The following RWDD1 variants were observed in gnomAD, a reference collection of about 807,000 sequenced individuals.
RWDD1 encodes the protein RWD domain-containing protein 1.
RWDD1 carries 17 observed loss-of-function variants against 31.6 expected under a neutral mutation model. That is an observed-to-expected ratio of 0.54 (90% CI 0.37 to 0.81). The LOEUF is 0.81. Ranked by LOEUF, RWDD1 falls within the 30% of genes least tolerant of loss-of-function variation. The probability of loss-of-function intolerance (pLI) is 0.00; values close to 1 mark genes in which losing one functional copy is unlikely to be tolerated. For synonymous variants in RWDD1, 78 were observed against 94.2 expected, an observed-to-expected ratio of 0.83 and a Z score of 0.99; for missense variants, 204 against 274.5, an observed-to-expected ratio of 0.74 and a Z score of 1.82.
At chr6:116,571,695 G>C (rs751110208) in intron 1 of RWDD1, 40 bp downstream of exon 1, 7 of 1,579,780 alleles carry the variant, frequency 4.4e-6, no homozygotes, top group Non-Finnish European at 6.1e-6. Flanking sequence ...GCCCCGAGGT[G>C]GAGTAGGACG....
At chr6:116,580,453 G>A in intron 2 of RWDD1, 93 bp downstream of exon 2, 1 of 808,964 alleles carries the variant, frequency 1.2e-6, no homozygotes, top group Non-Finnish European at 1.9e-6. Flanking sequence ...TCATGTGGAG[G>A]TGCTAAGGGG....
rs571864545 is a variant in RWDD1, at chr6:116,576,811, G to A, written c.74-3484G>A. Among the ~76,000 whole-genome samples the A allele has an allele frequency of 4.4e-4, 67 of 152,300 alleles. 1 individual carries two copies. The South Asian group carries it at 0.013, about 31-fold the overall frequency. On this transcript the variant is annotated intron_variant, in intron 1 of 6. Transcript: ENST00000466444. ...CACATATGCAGAAACAGGACTCTGA[G>A]GGATCAGAATATGTTCAAAGGACAA...
Position 116,596,123 on chromosome 6 carries a change from T to G in RWDD1, c.*3022T>G, listed in dbSNP as rs920864953. ...AAGTGTAACAGAAAAGTAAGTGAACTACTTCACATAGCTCTTAATGTTTGT... is the reference window on the plus strand; with the variant it reads ...AAGTGTAACAGAAAAGTAAGTGAACGACTTCACATAGCTCTTAATGTTTGT... On this transcript the variant is annotated 3_prime_UTR_variant, in exon 7 of 7. Coordinates refer to ENST00000466444, the MANE Select transcript of RWDD1 (RefSeq NM_015952.4). 1.3e-5 allele frequency: 2 copies of G among 152,232 alleles called. No homozygotes were observed. Among genetic ancestry groups the G allele is most frequent in the African/African-American group, 2.4e-5 (1 of 41,468 alleles). 9.4% of individuals were successfully genotyped at this position (152,232 alleles called of 1,614,324 possible). A position where few individuals can be genotyped will look rare whatever the true frequency, so the allele number is the denominator to read the frequency against.
At position 116,571,508 on chromosome 6, in the gene RWDD1, C is replaced by T. The variant is rs545409841; in HGVS notation, c.-75C>T. The T allele has an allele frequency of 5.7e-4, 849 of 1,479,984 alleles. 3 individuals carry two copies. The African/African-American group carries it at 9.9e-3, about 17-fold the overall frequency. 91.7% of individuals were successfully genotyped at this position (1,479,984 alleles called of 1,614,324 possible). Reference sequence around the variant, plus strand: ...CCCGCCTGGCCGCCGCCCGCTCTCCCGGCGCGGCAGCTGTCTGGGCTGCTG... The same window carrying T: ...CCCGCCTGGCCGCCGCCCGCTCTCCTGGCGCGGCAGCTGTCTGGGCTGCTG... On this transcript the variant is annotated 5_prime_UTR_variant, in exon 1 of 7. Transcript: ENST00000466444.
intron 1 of RWDD1, among the ~76,000 whole-genome samples, chr6:116,574,484 C>G (rs1261095827): frequency 6.6e-6 from 1 of 152,050 alleles, no homozygotes; most frequent in African/African-American, 2.4e-5. Flanking sequence ...AATATGGGCT[C>G]TCTCGTATTT....
chr6:116,577,710 G>C (rs532867860), intron 1 of RWDD1, among the ~76,000 whole-genome samples: 6 of 152,104 alleles, frequency 3.9e-5, no homozygotes, highest in African/African-American at 1.4e-4. Context: ...CTGGATGATT[G>C]CAATAGTGAC....
chr6:116,590,338 G>T lies in RWDD1; in HGVS notation c.481G>T (p.Glu161Ter). The T allele has an allele frequency of 6.2e-7, 1 of 1,601,340 alleles. No individual in the cohort carries two copies. Among genetic ancestry groups the T allele is most frequent in the South Asian group, 1.1e-5 (1 of 88,158 alleles). ...AAATTGGAAAGCCAAGTTTGATGCA[G>T]AACTCTTGGAAATTAAAAAGAAAAG... ...FLNWKAKFDA[E>*]LLEIKKKRMK... is the part of the protein sequence containing the mutation. Residue 161 changes from glutamate (E) to a stop codon, truncating the protein, a stop_gained, in exon 5 of 7, where the codon GAA becomes TAA. Transcript: ENST00000466444. LOFTEE classifies it high-confidence loss of function.
chr6:116,596,420 G>C lies in RWDD1; in HGVS notation c.*3319G>C, dbSNP rs1341167622. Reference sequence around the variant, plus strand: ...AAATTTTCAGGCCTCCATTGGTGAAGTTTCAAGTAACCTTTCACTTAAGTT... The same window carrying C: ...AAATTTTCAGGCCTCCATTGGTGAACTTTCAAGTAACCTTTCACTTAAGTT... On this transcript the variant is annotated 3_prime_UTR_variant, in exon 7 of 7. Coordinates refer to ENST00000466444, the MANE Select transcript of RWDD1 (RefSeq NM_015952.4). 1 of 152,208 alleles carries C rather than the reference G, an allele frequency of 6.6e-6. No individual in the cohort carries two copies. Among genetic ancestry groups the C allele is most frequent in the African/African-American group, 2.4e-5 (1 of 41,446 alleles). The allele number at this position is 152,208 out of a possible 1,614,324, so 9.4% of individuals were successfully genotyped here.
At chr6:116,591,657 G>A (rs1388306780) in intron 6 of RWDD1, among the ~76,000 whole-genome samples, 1 of 152,170 alleles carries the variant, frequency 6.6e-6, no homozygotes, top group Non-Finnish European at 1.5e-5. Flanking sequence ...GTACAGTATG[G>A]GCCAGTTCTC....
chr6:116,574,759 TCCCTC>T (rs1192741824), intron 1 of RWDD1, among the ~76,000 whole-genome samples: 35 of 116,928 alleles, frequency 3.0e-4, no homozygotes, highest in Non-Finnish European at 5.6e-4. Flanking sequence ...CCCCTCCCCT[TCCCTC>T]CCCTCCCCTC....
At chr6:116,580,803 TG>T (rs1356301522) in intron 2 of RWDD1, among the ~76,000 whole-genome samples, 1 of 152,122 alleles carries the variant, frequency 6.6e-6, no homozygotes, top group East Asian at 1.9e-4. Context: ...TCTGTCTGCA[TG>T]TTTCTGTCTC....
intron 3 of RWDD1, among the ~76,000 whole-genome samples, chr6:116,585,577 C>CTT (rs1054825407): frequency 2.8e-4 from 43 of 152,078 alleles, no homozygotes; most frequent in African/African-American, 1.0e-3. Context: ...TTTGTTTACT[C>CTT]TAAGAAGAAT....
chr6:116,596,810 G>A lies in RWDD1; in HGVS notation c.*3709G>A, dbSNP rs923179787. On this transcript the variant is annotated 3_prime_UTR_variant, in exon 7 of 7. Coordinates refer to ENST00000466444, the MANE Select transcript of RWDD1 (RefSeq NM_015952.4). Reference sequence around the variant, plus strand: ...TTAAGGTATTTGAGTGCTACTATGCGCCAGCCTTTCTTTGTGATAATGTTA... The same window carrying A: ...TTAAGGTATTTGAGTGCTACTATGCACCAGCCTTTCTTTGTGATAATGTTA... 8 of 151,854 alleles carry A rather than the reference G, an allele frequency of 5.3e-5. No individual in the cohort carries two copies. Among genetic ancestry groups the A allele is most frequent in the African/African-American group, 7.3e-5 (3 of 41,330 alleles). 9.4% of individuals were successfully genotyped at this position (151,854 alleles called of 1,614,324 possible).
Position 116,593,324 on chromosome 6 carries a change from C to T in RWDD1, c.*223C>T, listed in dbSNP as rs1014222853. 5.4e-6 allele frequency: 2 copies of T among 369,924 alleles called. No homozygotes were observed. The highest frequency in any genetic ancestry group is 9.7e-5 in the East Asian group (2 of 20,630). The allele number at this position is 369,924 out of a possible 1,614,324, so 22.9% of individuals were successfully genotyped here. A position where few individuals can be genotyped will look rare whatever the true frequency, so the allele number is the denominator to read the frequency against. On this transcript the variant is annotated 3_prime_UTR_variant, in exon 7 of 7. Transcript: ENST00000466444. ...GCACAAGGTTACGTATTTAAAATCA[C>T]CTAGTATTTGAGAGAGATCCTGCCT... is the stretch of plus-strand genomic sequence containing the variant.
chr6:116,582,715 C>A (rs1367025386), intron 2 of RWDD1, among the ~76,000 whole-genome samples: 3 of 151,732 alleles, frequency 2.0e-5, no homozygotes, highest in Admixed American at 1.3e-4. Flanking sequence ...TTTCGTTAGA[C>A]CTTTTCTATT....
rs779143527 is a variant in RWDD1 at position 116,571,628 on chromosome 6, G to C, written c.46G>C (p.Glu16Gln). The C allele has an allele frequency of 1.2e-6, 2 of 1,613,718 alleles. No homozygotes were observed. Among genetic ancestry groups the C allele is most frequent in the Non-Finnish European group, 1.7e-6 (2 of 1,179,922 alleles). Reference sequence around the variant, plus strand: ...GCAGCGCAACGAGCTGGAGGCCCTGGAGTCCATCTACCCTGACTCCTTCAC... The same window carrying C: ...GCAGCGCAACGAGCTGGAGGCCCTGCAGTCCATCTACCCTGACTCCTTCAC... ...EEQRNELEAL[E>Q]SIYPDSFTVL... Residue 16 changes from glutamate to glutamine, a missense_variant, in exon 1 of 7, where the codon GAG becomes CAG. By Grantham distance (29) the Glu-to-Gln change is conservative. Transcript: ENST00000466444.
chr6:116,585,352 G>A (rs1261592665), intron 3 of RWDD1, among the ~76,000 whole-genome samples: 5 of 152,028 alleles, frequency 3.3e-5, no homozygotes, highest in African/African-American at 9.7e-5. Flanking sequence ...CCCTCTATGA[G>A]GGGAGGCTTG....
At chr6:116,585,798 A>G (rs1174632951) in intron 3 of RWDD1, among the ~76,000 whole-genome samples, 2 of 151,728 alleles carry the variant, frequency 1.3e-5, no homozygotes, top group Non-Finnish European at 2.9e-5. Flanking sequence ...TTTTTTATAT[A>G]TTTTTATTTT....
chr6:116,595,077 T>A lies in RWDD1; in HGVS notation c.*1976T>A, dbSNP rs1775219058. ...CCTATGTGAGATTTTGCTTTTCCCATCTTTTTGAAGCTGATCAGCAGATAC... is the reference window on the plus strand; with the variant it reads ...CCTATGTGAGATTTTGCTTTTCCCAACTTTTTGAAGCTGATCAGCAGATAC... On this transcript the variant is annotated 3_prime_UTR_variant, in exon 7 of 7. Coordinates refer to ENST00000466444, the MANE Select transcript of RWDD1 (RefSeq NM_015952.4). 1 of 152,138 alleles carries A rather than the reference T, an allele frequency of 6.6e-6. No individual in the cohort carries two copies. Among genetic ancestry groups the A allele is most frequent in the Non-Finnish European group, 1.5e-5 (1 of 68,012 alleles). The allele number at this position is 152,138 out of a possible 1,614,324, so 9.4% of individuals were successfully genotyped here.
Sources: gnomAD v4.1 joint callset for allele counts (sites outside exome capture counted in the v4.1 genomes callset) on GRCh38, gnomAD v4.1.1 for gene constraint, MANE v1.5 for transcripts, NCBI Gene and HGNC (gene_info 2026-07-23, HGNC 2026-07-21) for gene names.